Variants in LCP2 observed in about 807,000 individuals in gnomAD.
The protein encoded by LCP2 is 76 kDa tyrosine phosphoprotein.
Under a neutral mutation model 74.5 loss-of-function variants are expected in LCP2, and 29 were observed. The observed-to-expected ratio is 0.39, with a 90% CI of 0.29 to 0.53. LCP2 has a LOEUF of 0.53. Ranked by LOEUF, LCP2 falls within the 20% of genes least tolerant of loss-of-function variation. The probability of loss-of-function intolerance (pLI) is 0.72; values close to 1 mark genes in which losing one functional copy is unlikely to be tolerated. For missense variants in LCP2, 604 were observed against 634.6 expected (o/e 0.95, Z 0.52); for synonymous variants, 228 against 229.5 (o/e 0.99, Z 0.06).
At chr5:170,297,441 C>T in intron 1 of LCP2, 93 bp downstream of exon 1, 1 of 1,122,954 alleles carries the variant, frequency 8.9e-7, no homozygotes, top group Non-Finnish European at 1.3e-6. Context: ...TCTTATACAC[C>T]TCCCACATTC....
chr5:170,264,122 A>G (rs1452921107), intron 10 of LCP2, among the ~76,000 whole-genome samples: 3 of 152,200 alleles, frequency 2.0e-5, no homozygotes, highest in African/African-American at 4.8e-5. Flanking sequence ...TTGCTCACCA[A>G]TCAAAACTTG....
intron 13 of LCP2, 147 bp downstream of exon 13, chr5:170,262,488 G>A (rs1761671874): frequency 4.9e-6 from 3 of 617,852 alleles, no homozygotes; most frequent in South Asian, 2.0e-5. Context: ...AACCTGTGAA[G>A]CCTGAACATC....
intron 6 of LCP2, 114 bp downstream of exon 6, chr5:170,274,187 G>T (rs2113186936): frequency 9.1e-7 from 1 of 1,097,572 alleles, no homozygotes; most frequent in Non-Finnish European, 1.4e-6. Context: ...CCCTGGGTGG[G>T]TGTGCTGGCA....
chr5:170,266,338 T>C (rs962907777), intron 10 of LCP2, among the ~76,000 whole-genome samples: 2 of 152,210 alleles, frequency 1.3e-5, no homozygotes, highest in African/African-American at 4.8e-5. Flanking sequence ...AACATCCACC[T>C]TACAGATTAG....
At chr5:170,258,550 T>G in intron 15 of LCP2, 1 of 363,162 alleles carries the variant, frequency 2.8e-6, no homozygotes, top group Non-Finnish European at 5.0e-6. Flanking sequence ...CAGTTACTGA[T>G]TCTTTACCCA....
intron 2 of LCP2, among the ~76,000 whole-genome samples, chr5:170,289,655 T>TCTCTCTCTCTCTCTCTCTC (rs1561978367): frequency 8.8e-6 from 1 of 113,818 alleles, no homozygotes; most frequent in African/African-American, 3.5e-5. Context: ...CTTTCTTTCT[T>TCTCTCTCTCTCTCTCTCTC]TCTTTCTTTC....
intron 1 of LCP2, among the ~76,000 whole-genome samples, chr5:170,296,635 C>T (rs1762390434): frequency 6.6e-6 from 1 of 152,336 alleles, no homozygotes; most frequent in Middle Eastern, 3.4e-3. Flanking sequence ...AGTCATCTTA[C>T]CACATGGTCA....
At position 170,256,432 on chromosome 5, in the gene LCP2, A is replaced by G; in HGVS notation, c.1150+94T>C. ...GGAAATCAGATGCTTTTAGGAAACA[A>G]TAAAACCTTTGTCGAAAGCTTTTGG... On this transcript the variant is annotated intron_variant, in intron 17 of 20. Transcript: ENST00000046794. The surrounding 1 kb of genome is among the most constrained non-coding windows in gnomAD (Gnocchi z 4.5). 5 of 1,013,076 alleles carry G rather than the reference A, an allele frequency of 4.9e-6. 1 individual carries two copies. The highest frequency in any genetic ancestry group is 7.8e-6 in the Non-Finnish European group (5 of 638,570). 62.8% of individuals were successfully genotyped at this position (1,013,076 alleles called of 1,614,324 possible).
At chr5:170,288,729 T>C (rs1762227785) in intron 2 of LCP2, among the ~76,000 whole-genome samples, 1 of 152,070 alleles carries the variant, frequency 6.6e-6, no homozygotes. Flanking sequence ...TTTCCACTTG[T>C]GGGGGATGAG....
At chr5:170,285,407 T>C (rs1762167760) in intron 3 of LCP2, among the ~76,000 whole-genome samples, 1 of 152,238 alleles carries the variant, frequency 6.6e-6, no homozygotes, top group African/African-American at 2.4e-5. Context: ...TTTGTGTGCC[T>C]GTTAGTCTCT....
rs934749428 is a variant in LCP2 at position 170,252,441 on chromosome 5, A to G, written c.1316T>C (p.Ile439Thr). The G allele has an allele frequency of 2.6e-6, 4 of 1,556,610 alleles. No homozygotes were observed. The highest frequency in any genetic ancestry group is 1.4e-5 in the African/African-American group (1 of 73,734). ...RPEAEAALRK[I>T]NQDGTFLVRD... Reference sequence around the variant, plus strand: ...TAAACTATAGCACAATACCTGGTTTATCTTTCTAAGAGCAGCTTCTGCCTC... The same window carrying G: ...TAAACTATAGCACAATACCTGGTTTGTCTTTCTAAGAGCAGCTTCTGCCTC... The change falls in exon 19 of 21, where the codon ATA becomes ACA. Residue 439 changes from isoleucine (I) to threonine (T), a missense_variant. Coordinates refer to ENST00000046794, the MANE Select transcript of LCP2 (RefSeq NM_005565.5).
intron 7 of LCP2, among the ~76,000 whole-genome samples, chr5:170,269,975 A>G (rs2113179225): frequency 6.6e-6 from 1 of 152,388 alleles, no homozygotes; most frequent in South Asian, 2.1e-4. Flanking sequence ...TATACCGCAT[A>G]AAGGATTAAA....
In LCP2 at chr5:170,250,807, T is replaced by C; in HGVS notation, c.1402A>G (p.Lys468Glu). Reference protein sequence around the residue: ...PYVLMVLYKDKVYNIQIRYQK... With the variant: ...PYVLMVLYKDEVYNIQIRYQK... ...TAACGGATCTGGATGTTGTAAACTT[T>C]ATCTTTGTACAACACCATGAGGACA... Residue 468 changes from lysine to glutamate, a missense_variant, in exon 20 of 21, where the codon AAA (lysine) becomes GAA (glutamate). By Grantham distance (56) the Lys-to-Glu change is moderately conservative. Coordinates refer to ENST00000046794, the MANE Select transcript of LCP2 (RefSeq NM_005565.5). The C allele has an allele frequency of 6.2e-7, 1 of 1,612,152 alleles. No homozygotes were observed. The highest frequency in any genetic ancestry group is 1.1e-5 in the South Asian group (1 of 91,038).
chr5:170,260,030 G>A (rs1761623912), intron 14 of LCP2, among the ~76,000 whole-genome samples: 1 of 152,186 alleles, frequency 6.6e-6, no homozygotes. Context: ...CACTGTCCCT[G>A]CAGCCTCCGT....
chr5:170,289,683 C>CTCTCTT (rs1762252356), intron 2 of LCP2, among the ~76,000 whole-genome samples: 1 of 133,832 alleles, frequency 7.5e-6, no homozygotes, highest in East Asian at 2.1e-4. Context: ...CTCTCTCTCT[C>CTCTCTT]TCTTTCTTTC....
chr5:170,262,784 C>T (rs1761680847), intron 12 of LCP2, 42 bp from the exon 13 acceptor site: 3 of 1,613,588 alleles, frequency 1.9e-6, no homozygotes, highest in Non-Finnish European at 2.5e-6. Flanking sequence ...ACAAACTTTG[C>T]CGAGGCAGAG....
At chr5:170,288,112 G>A (rs577898702) in intron 2 of LCP2, 96 bp from the exon 3 acceptor site, 3 of 1,263,072 alleles carry the variant, frequency 2.4e-6, no homozygotes, top group South Asian at 1.2e-5. Context: ...ATAGGGAGTG[G>A]TGGGGACTGT....
intron 1 of LCP2, among the ~76,000 whole-genome samples, chr5:170,294,677 C>T (rs1413638751): frequency 6.6e-6 from 1 of 152,220 alleles, no homozygotes; most frequent in Admixed American, 6.5e-5. Flanking sequence ...GATTATCACA[C>T]TCAGAAAGCT....
At chr5:170,257,591 C>A (rs1479091205) in intron 16 of LCP2, among the ~76,000 whole-genome samples, 1 of 152,142 alleles carries the variant, frequency 6.6e-6, no homozygotes, top group Non-Finnish European at 1.5e-5. Flanking sequence ...AGAAACACAG[C>A]TGCTACTGAG....
Sources: allele counts gnomAD v4.1 joint callset (sites outside exome capture counted in the v4.1 genomes callset), GRCh38; gene constraint gnomAD v4.1.1; non-coding constraint Gnocchi (gnomAD v3.1); transcripts MANE v1.5; gene names NCBI Gene and HGNC (gene_info 2026-07-23, HGNC 2026-07-21).